TDRD7: variants seen among roughly 807,000 people sequenced by gnomAD.
The protein encoded by TDRD7 is tudor domain containing 7.
A neutral mutation model predicts 109.8 loss-of-function variants in TDRD7; 47 were observed. The ratio of observed to expected loss-of-function variants is 0.43; its 90% CI spans 0.34 to 0.55. The LOEUF (loss-of-function observed/expected upper bound fraction) is 0.55. Ranked by LOEUF, TDRD7 falls within the 20% of genes least tolerant of loss-of-function variation. The probability of loss-of-function intolerance (pLI) is 0.03; values close to 1 mark genes in which losing one functional copy is unlikely to be tolerated. For missense variants in TDRD7, 1,164 were observed against 1,319.2 expected (o/e 0.88, Z 1.82); for synonymous variants, 424 against 457.3 (o/e 0.93, Z 0.93).
chr9:97,492,892 T>C (rs1425927680), intron 16 of TDRD7, among the ~76,000 whole-genome samples: 1 of 152,232 alleles, frequency 6.6e-6, no homozygotes, highest in Non-Finnish European at 1.5e-5. Context: ...TGGGCCAACA[T>C]AGGCATCCAC....
At position 97,412,834 on chromosome 9, in the gene TDRD7, T is replaced by C. The variant is rs1324479051; in HGVS notation, c.-7+596T>C. ...AGAGCACCCAGCTGGGAGGGAAACA[T>C]GGATCCGTGAGTAAGTTGTCTCTCA... On this transcript the variant is annotated intron_variant, in intron 1 of 16. Coordinates refer to ENST00000355295, the MANE Select transcript of TDRD7 (RefSeq NM_014290.3). The surrounding 1 kb of genome is among the most constrained non-coding windows in gnomAD (Gnocchi z 4.3). Among the ~76,000 whole-genome samples, 5 of 152,174 alleles carry C rather than the reference T, an allele frequency of 3.3e-5. No individual in the cohort carries two copies. Among genetic ancestry groups the C allele is most frequent in the African/African-American group, 4.8e-5 (2 of 41,454 alleles).
chr9:97,432,586 C>T lies in TDRD7; in HGVS notation c.563+348C>T, dbSNP rs201213154. Among the ~76,000 whole-genome samples, 9 of 152,284 alleles carry T rather than the reference C, an allele frequency of 5.9e-5. No homozygotes were observed. The East Asian group carries it at 1.7e-3, about 29-fold the overall frequency. On this transcript the variant is annotated intron_variant, in intron 4 of 16. Coordinates refer to ENST00000355295, the MANE Select transcript of TDRD7 (RefSeq NM_014290.3). ...AAAATCTGATGGAGTTTCAGACACT[C>T]CACTGTGCTGCAAATATCATGCCCA...
chr9:97,425,203 A>C (rs1410458943), intron 1 of TDRD7, among the ~76,000 whole-genome samples: 2 of 152,184 alleles, frequency 1.3e-5, no homozygotes, highest in African/African-American at 4.8e-5. Context: ...AAACTCAAGA[A>C]GTGCTACATA....
chr9:97,454,355 C>G (rs1168420933), intron 6 of TDRD7, among the ~76,000 whole-genome samples: 1 of 152,110 alleles, frequency 6.6e-6, no homozygotes, highest in East Asian at 1.9e-4. Context: ...TGGCAGGCAC[C>G]TGTAGTCCCA....
intron 8 of TDRD7, among the ~76,000 whole-genome samples, chr9:97,467,108 A>G (rs10123528): frequency 0.027 from 4,066 of 152,096 alleles, 191 homozygotes; most frequent in African/African-American, 0.093. Flanking sequence ...TTGATAGGAG[A>G]TAACTATCCC....
intron 4 of TDRD7, among the ~76,000 whole-genome samples, chr9:97,438,170 A>G (rs1828236754): frequency 6.6e-6 from 1 of 152,198 alleles, no homozygotes. Flanking sequence ...GGAGTTGGAT[A>G]TATTTTTGGC....
intron 1 of TDRD7, among the ~76,000 whole-genome samples, chr9:97,425,935 G>C (rs1243008663): frequency 6.6e-6 from 1 of 152,156 alleles, no homozygotes; most frequent in Non-Finnish European, 1.5e-5. Context: ...CTTCAACCCT[G>C]TTCAGCATGT....
At chr9:97,424,411 G>C (rs1463832941) in intron 1 of TDRD7, among the ~76,000 whole-genome samples, 1 of 152,026 alleles carries the variant, frequency 6.6e-6, no homozygotes, top group Non-Finnish European at 1.5e-5. Flanking sequence ...TCTATCTATT[G>C]ACGAGAAAGG....
At chr9:97,465,285 C>T (rs1459042331) in intron 8 of TDRD7, among the ~76,000 whole-genome samples, 2 of 152,158 alleles carry the variant, frequency 1.3e-5, no homozygotes, top group Admixed American at 1.3e-4. Context: ...ATTATCCAAT[C>T]AGGGAAAGAC....
intron 4 of TDRD7, among the ~76,000 whole-genome samples, chr9:97,432,971 A>T (rs1157963497): frequency 6.6e-6 from 1 of 152,198 alleles, no homozygotes; most frequent in African/African-American, 2.4e-5. Flanking sequence ...GGCAGAAGTG[A>T]GTAGTTGTAC....
At chr9:97,462,224 A>C (rs764960498) in intron 7 of TDRD7, among the ~76,000 whole-genome samples, 6 of 152,224 alleles carry the variant, frequency 3.9e-5, no homozygotes, top group Non-Finnish European at 5.9e-5. Flanking sequence ...TGTTGGTGCC[A>C]TAGTCAGAGA....
At chr9:97,484,009 T>C (rs1457944528) in intron 15 of TDRD7, among the ~76,000 whole-genome samples, 3 of 152,226 alleles carry the variant, frequency 2.0e-5, no homozygotes, top group Non-Finnish European at 4.4e-5. Context: ...TTTTCACTAT[T>C]ATAAATAATA....
Position 97,412,617 on chromosome 9 carries a change from A to G in TDRD7, c.-7+379A>G, listed in dbSNP as rs902749164. Among the ~76,000 whole-genome samples the G allele has an allele frequency of 1.3e-5, 2 of 152,048 alleles. No homozygotes were observed. The highest frequency in any genetic ancestry group is 4.8e-5 in the African/African-American group (2 of 41,392). ...TGCGGACCAGGAAGTGGTTCCCGCT[A>G]CCGGCGCGACAGGCCGCAGCCGCCG... On this transcript the variant is annotated intron_variant, in intron 1 of 16. Coordinates refer to ENST00000355295, the MANE Select transcript of TDRD7 (RefSeq NM_014290.3). The surrounding 1 kb of genome is among the most constrained non-coding windows in gnomAD (Gnocchi z 4.3).
At chr9:97,485,197 A>C (rs932147885) in intron 15 of TDRD7, among the ~76,000 whole-genome samples, 3 of 152,222 alleles carry the variant, frequency 2.0e-5, no homozygotes, top group African/African-American at 7.2e-5. Flanking sequence ...AGCGGTTTCC[A>C]AATCTATCGC....
intron 1 of TDRD7, among the ~76,000 whole-genome samples, chr9:97,421,702 G>C (rs1354598965): frequency 8.7e-5 from 1 of 11,522 alleles, no homozygotes; most frequent in Admixed American, 1.5e-3. Context: ...CAGCTTTTGT[G>C]TGTGTGTGTG....
intron 1 of TDRD7, among the ~76,000 whole-genome samples, chr9:97,419,643 C>G (rs1176570808): frequency 6.6e-6 from 1 of 152,188 alleles, no homozygotes; most frequent in African/African-American, 2.4e-5. Flanking sequence ...CCATGAATTT[C>G]TATTGAGTAT....
chr9:97,462,683 G>GC (rs1241957164), intron 7 of TDRD7, among the ~76,000 whole-genome samples: 6 of 152,210 alleles, frequency 3.9e-5, no homozygotes, highest in African/African-American at 1.4e-4. Flanking sequence ...ATCATTCTTT[G>GC]CCCCCCTTGC....
At chr9:97,485,111 C>T (rs1037831171) in intron 15 of TDRD7, among the ~76,000 whole-genome samples, 1 of 152,164 alleles carries the variant, frequency 6.6e-6, no homozygotes, top group Non-Finnish European at 1.5e-5. Flanking sequence ...CCTTAAGACT[C>T]AGGACTATTT....
Position 97,486,637 on chromosome 9 carries a change from A to G in TDRD7, c.2916-535A>G, listed in dbSNP as rs16920957. On this transcript the variant is annotated intron_variant, in intron 15 of 16. Transcript: ENST00000355295. ...TCTGACTTCTCTTCCATTCTTCCAC[A>G]CATTCCACTCTCTAACTATACTGGA... is the stretch of plus-strand genomic sequence containing the variant. Among the ~76,000 whole-genome samples, 1,243 of 152,110 alleles carry G rather than the reference A, an allele frequency of 8.2e-3. 44 individuals carry two copies. In the East Asian group the frequency reaches 0.11, roughly 13 times the overall value.
Sources: gnomAD v4.1 joint callset for allele counts (sites outside exome capture counted in the v4.1 genomes callset) on GRCh38, gnomAD v4.1.1 for gene constraint, Gnocchi (gnomAD v3.1) non-coding constraint, MANE v1.5 for transcripts, NCBI Gene and HGNC (gene_info 2026-07-23, HGNC 2026-07-21) for gene names.